The following POM121L2 variants were observed in gnomAD, a reference collection of about 807,000 sequenced individuals.
POM121L2 encodes the protein POM121-like protein 2.
For missense variants in POM121L2, 1,167 were observed against 1,260.3 expected (o/e 0.93, Z 1.12); for synonymous variants, 459 against 483.8 (o/e 0.95, Z 0.67).
chr6:27,311,743 C>A lies in POM121L2; in HGVS notation c.428G>T (p.Gly143Val). The A allele has an allele frequency of 6.4e-7, 1 of 1,551,816 alleles. No individual in the cohort carries two copies. The highest frequency in any genetic ancestry group is 1.2e-5 in the South Asian group (1 of 84,066). The stretch of plus-strand genomic sequence containing the variant: ...TGCGAGCTCCTCAGAGGGCGGGAGT[C>A]CTGCAAGGGCAATTACATCTTCAGG... ...TSPEDVIALA[G>V]LPPSEELADP... is the part of the protein sequence containing the mutation. Residue 143 changes from glycine (G) to valine (V), a missense_variant, in exon 1 of 1, where the codon GGA (glycine) becomes GTA (valine). Gly to Val is a moderately radical substitution (Grantham distance 109). Transcript: ENST00000444565.
chr6:27,309,467 C>A (rs1244003911), intron 1 of POM121L2: 4 of 1,551,650 alleles, frequency 2.6e-6, no homozygotes, highest in Non-Finnish European at 3.5e-6. Context: ...ATCCCAGACT[C>A]ATCACAGTCC....
In POM121L2 at chr6:27,311,647, T is replaced by A. The variant is rs1476464545; in HGVS notation, c.524A>T (p.Glu175Val). 1 of 1,551,842 alleles carries A rather than the reference T, an allele frequency of 6.4e-7. No homozygotes were observed. Among genetic ancestry groups the A allele is most frequent in the Non-Finnish European group, 8.7e-7 (1 of 1,147,028 alleles). The change falls in exon 1 of 1, where the codon GAA (glutamate) becomes GTA (valine). Residue 175 changes from glutamate to valine, a missense_variant. Coordinates refer to ENST00000444565, the MANE Select transcript of POM121L2 (RefSeq NM_033482.4). Reference sequence around the variant, plus strand: ...GTCCAGACTCTCAGGGAATAGTGGTTCTTCCAACCTCCCTTTCCCTTTTCT... The same window carrying A: ...GTCCAGACTCTCAGGGAATAGTGGTACTTCCAACCTCCCTTTCCCTTTTCT... The part of the protein sequence containing the change: ...ECRKGKGRLE[E>V]PLFPESLDSK...
chr6:27,311,664 C>G lies in POM121L2; in HGVS notation c.507G>C (p.Gly169=). Residue 169 remains glycine (G), a synonymous_variant, in exon 1 of 1, where the codon GGG becomes GGC. Coordinates refer to ENST00000444565, the MANE Select transcript of POM121L2 (RefSeq NM_033482.4). ...VLRALRECRK[G]KGRLEEPLFP... is the part of the protein sequence containing the mutation. The stretch of plus-strand genomic sequence containing the variant: ...ATAGTGGTTCTTCCAACCTCCCTTT[C>G]CCTTTTCTGCACTCTCTGAGGGCCC... 3 of 1,551,890 alleles carry G rather than the reference C, an allele frequency of 1.9e-6. No homozygotes were observed. Among genetic ancestry groups the G allele is most frequent in the Non-Finnish European group, 2.6e-6 (3 of 1,147,030 alleles).
In POM121L2 at chr6:27,311,880, C is replaced by G. The variant is rs1040855217; in HGVS notation, c.291G>C (p.Trp97Cys). 1.3e-6 allele frequency: 2 copies of G among 1,551,726 alleles called. No homozygotes were observed. The highest frequency in any genetic ancestry group is 1.7e-6 in the Non-Finnish European group (2 of 1,147,004). The change falls in exon 1 of 1, where the codon TGG becomes TGC. Residue 97 changes from tryptophan to cysteine, a missense_variant. Physicochemically the swap from Trp to Cys is radical, Grantham distance 215. Coordinates refer to ENST00000444565, the MANE Select transcript of POM121L2 (RefSeq NM_033482.4). ...SPLGPLPSDW[W>C]ESYLKRTIWS... Reference sequence around the variant, plus strand: ...AAATAGTCCGCTTTAAGTAACTTTCCCACCAGTCTGAAGGGAGAGGCCCCA... The same window carrying G: ...AAATAGTCCGCTTTAAGTAACTTTCGCACCAGTCTGAAGGGAGAGGCCCCA...
chr6:27,311,426 G>C lies in POM121L2; in HGVS notation c.745C>G (p.Leu249Val). Residue 249 changes from leucine (L) to valine (V), a missense_variant, in exon 1 of 1, where the codon CTC becomes GTC. Transcript: ENST00000444565. ...SLASIYRGGT[L>V]SSKRNAIGSS... ...CCAATAGCATTCCTTTTGGAGCTGAGGGTGCCACCTCTGTATATGCTGGCC... is the reference window on the plus strand; with the variant it reads ...CCAATAGCATTCCTTTTGGAGCTGACGGTGCCACCTCTGTATATGCTGGCC... 1 of 1,551,792 alleles carries C rather than the reference G, an allele frequency of 6.4e-7. No homozygotes were observed. The highest frequency in any genetic ancestry group is 8.7e-7 in the Non-Finnish European group (1 of 1,147,018).
Position 27,312,081 on chromosome 6 carries a change from C to T in POM121L2, c.90G>A (p.Arg30=). The T allele has an allele frequency of 6.7e-7, 1 of 1,489,446 alleles. No homozygotes were observed. The highest frequency in any genetic ancestry group is 1.4e-5 in the South Asian group (1 of 73,128). 92.3% of individuals were successfully genotyped at this position (1,489,446 alleles called of 1,614,324 possible). A position where few individuals can be genotyped will look rare whatever the true frequency, so the allele number is the denominator to read the frequency against. ...GAACTTGGTGAAGGGGCTGAGGTGG[C>T]CGGCGTTTCGTGGGCCTCTCGGGCA... ...TDLPERPTKR[R]PPQPLHQVHR... is the part of the protein sequence containing the mutation. Residue 30 remains arginine, a synonymous_variant, in exon 1 of 1, where the codon CGG becomes CGA. Transcript: ENST00000444565. This position sits in a 1 kb window ranked among gnomAD's most constrained non-coding sequence, Gnocchi z 6.7.
rs1185328894 is a variant in POM121L2 at position 27,311,282 on chromosome 6, A to G, written c.889T>C (p.Ser297Pro). The change falls in exon 1 of 1, where the codon TCT becomes CCT. Residue 297 changes from serine (S) to proline (P), a missense_variant. Ser to Pro is a moderately conservative substitution (Grantham distance 74). Transcript: ENST00000444565. Reference protein sequence around the residue: ...KKEKSCHRPSSPVPLVSDFES... With the variant: ...KKEKSCHRPSPPVPLVSDFES... ...AAATCTGATACCAGTGGGACTGGAG[A>G]GGAAGGCCGATGACAACTTTTTTCC... 6.4e-6 allele frequency: 10 copies of G among 1,551,762 alleles called. No individual in the cohort carries two copies. Among genetic ancestry groups the G allele is most frequent in the Non-Finnish European group, 8.7e-6 (10 of 1,147,030 alleles).
At chr6:27,311,785 ACT>A (rs1303779608), upstream of POM121L2, 3 of 1,551,706 alleles carry the variant, frequency 1.9e-6, no homozygotes, top group South Asian at 3.6e-5. Context: ...GGAAGGGGGC[ACT>A]CTCTGGTCAG....
rs1471595374 is a variant in POM121L2, at chr6:27,310,427, C to T, written c.1744G>A (p.Gly582Ser). 1.3e-6 allele frequency: 2 copies of T among 1,552,124 alleles called. No individual in the cohort carries two copies. The highest frequency in any genetic ancestry group is 1.7e-6 in the Non-Finnish European group (2 of 1,147,092). ...GTAGTTTTAAGTGGATCTATGCTGC[C>T]AAAGATAGGCTTGAAGGTAGGAGTT... ...TLTPTFKPIF[G>S]SIDPLKTTPM... The change falls in exon 1 of 1, where the codon GGC becomes AGC. Residue 582 changes from glycine to serine, a missense_variant. Gly to Ser is a moderately conservative substitution (Grantham distance 56). Coordinates refer to ENST00000444565, the MANE Select transcript of POM121L2 (RefSeq NM_033482.4).
Position 27,310,135 on chromosome 6 carries a change from G to A in POM121L2, c.2036C>T (p.Pro679Leu). ...TGGTGGGAAAATGAATCCTGTGGCT[G>A]GGGTGAAGTCGGCCCTGAAGGCCTG... ...TAQAFRADFT[P>L]ATGFIFPPHH... Residue 679 changes from proline to leucine, a missense_variant, in exon 1 of 1, where the codon CCA (proline) becomes CTA (leucine). Coordinates refer to ENST00000444565, the MANE Select transcript of POM121L2 (RefSeq NM_033482.4). 1 of 1,551,958 alleles carries A rather than the reference G, an allele frequency of 6.4e-7. No individual in the cohort carries two copies.
chr6:27,311,930 T>A lies in POM121L2; in HGVS notation c.241A>T (p.Met81Leu), dbSNP rs2113598927. The A allele has an allele frequency of 6.4e-7, 1 of 1,551,652 alleles. No homozygotes were observed. Among genetic ancestry groups the A allele is most frequent in the East Asian group, 2.4e-5 (1 of 40,902 alleles). Residue 81 changes from methionine (M) to leucine (L), a missense_variant, in exon 1 of 1, where the codon ATG (methionine) becomes TTG (leucine). By Grantham distance (15) the Met-to-Leu change is conservative. Transcript: ENST00000444565. ...AGGGGGGAATTCTGGGACTTCTTCATGGGAAAGCGCCTCCAGGCCTCGTTG... is the reference window on the plus strand; with the variant it reads ...AGGGGGGAATTCTGGGACTTCTTCAAGGGAAAGCGCCTCCAGGCCTCGTTG... ...LANEAWRRFP[M>L]KKSQNSPLGP...
At position 27,309,039 on chromosome 6, in the gene POM121L2, G is replaced by T; in HGVS notation, c.*24C>A. 6.6e-7 allele frequency: 1 copy of T among 1,504,772 alleles called. No homozygotes were observed. 93.2% of individuals were successfully genotyped at this position (1,504,772 alleles called of 1,614,324 possible). A position where few individuals can be genotyped will look rare whatever the true frequency, so the allele number is the denominator to read the frequency against. ...AAAACAATACTGAGGTCTAAATCAG[G>T]GTGCAAGTGACAGGGAACACAGGCT... On this transcript the variant is annotated 3_prime_UTR_variant, in exon 1 of 1. Transcript: ENST00000444565.
Position 27,310,156 on chromosome 6 carries a change from G to A in POM121L2, c.2015C>T (p.Ala672Val), listed in dbSNP as rs1027810507. ...GGCTGGGGTGAAGTCGGCCCTGAAG[G>A]CCTGAGCAGTCCCAAGCAGGAAAGT... is the stretch of plus-strand genomic sequence containing the variant. ...CDTFLLGTAQ[A>V]FRADFTPATG... is the part of the protein sequence containing the mutation. Residue 672 changes from alanine (A) to valine (V), a missense_variant, in exon 1 of 1, where the codon GCC becomes GTC. By Grantham distance (64) the Ala-to-Val change is moderately conservative. Coordinates refer to ENST00000444565, the MANE Select transcript of POM121L2 (RefSeq NM_033482.4). The A allele has an allele frequency of 2.6e-6, 4 of 1,551,846 alleles. No homozygotes were observed. The highest frequency in any genetic ancestry group is 2.7e-5 in the African/African-American group (2 of 73,070).
At position 27,311,133 on chromosome 6, in the gene POM121L2, A is replaced by G; in HGVS notation, c.1038T>C (p.Asp346=). The G allele has an allele frequency of 6.4e-7, 1 of 1,551,864 alleles. No individual in the cohort carries two copies. The highest frequency in any genetic ancestry group is 8.7e-7 in the Non-Finnish European group (1 of 1,147,050). The stretch of plus-strand genomic sequence containing the variant: ...CTTTCTTCCCCAAAGTCAAGTTCTC[A>G]TCAGAGACTGCATAACCAAGCTGGG... The part of the protein sequence containing the change: ...PPPQLGYAVS[D]ENLTLGKKAE... Residue 346 remains aspartate, a synonymous_variant, in exon 1 of 1, where the codon GAT becomes GAC. Coordinates refer to ENST00000444565, the MANE Select transcript of POM121L2 (RefSeq NM_033482.4).
rs569371020 is a variant in POM121L2 at position 27,310,568 on chromosome 6, T to G, written c.1603A>C (p.Lys535Gln). The change falls in exon 1 of 1, where the codon AAA becomes CAA. Residue 535 changes from lysine to glutamine, a missense_variant. Coordinates refer to ENST00000444565, the MANE Select transcript of POM121L2 (RefSeq NM_033482.4). ...PDATSAHLML[K>Q]PILGPLHNSE... is the part of the protein sequence containing the mutation. The stretch of plus-strand genomic sequence containing the variant: ...TTGTGCAGGGGCCCCAAAATCGGTT[T>G]TAACATGAGGTGAGCAGAAGTTGCA... 6.4e-7 allele frequency: 1 copy of G among 1,551,990 alleles called. No individual in the cohort carries two copies. Among genetic ancestry groups the G allele is most frequent in the East Asian group, 2.4e-5 (1 of 40,914 alleles).
rs754589402 is a variant in POM121L2, at chr6:27,310,368, G to C, written c.1803C>G (p.Thr601=). 3.9e-6 allele frequency: 6 copies of C among 1,552,012 alleles called. No individual in the cohort carries two copies. In the African/African-American group the frequency reaches 8.2e-5, roughly 21 times the overall value. Residue 601 remains threonine (T), a synonymous_variant, in exon 1 of 1, where the codon ACC becomes ACG. Transcript: ENST00000444565. ...PMIAPFSSKQ[T]PPPFTHASTH... ...TAGAAGCATGAGTAAATGGAGGAGG[G>C]GTCTGCTTGGAGGAGAAAGGAGCTA...
At position 27,310,715 on chromosome 6, in the gene POM121L2, T is replaced by C. The variant is rs1760733563; in HGVS notation, c.1456A>G (p.Thr486Ala). 1.4e-5 allele frequency: 21 copies of C among 1,551,694 alleles called. No homozygotes were observed. The highest frequency in any genetic ancestry group is 1.8e-5 in the Non-Finnish European group (21 of 1,146,984). The change falls in exon 1 of 1, where the codon ACC becomes GCC. Residue 486 changes from threonine (T) to alanine (A), a missense_variant. Thr to Ala is a moderately conservative substitution (Grantham distance 58). Coordinates refer to ENST00000444565, the MANE Select transcript of POM121L2 (RefSeq NM_033482.4). ...ATGGGAGACCTGTCAGCCTGAGAGG[T>C]TGAAGGCGGCCAGGTGGTGTCAGTA... is the stretch of plus-strand genomic sequence containing the variant. The part of the protein sequence containing the change: ...PVTDTTWPPS[T>A]SQADRSPMPP...
At position 27,309,596 on chromosome 6, in the gene POM121L2, G is replaced by T; in HGVS notation, c.2575C>A (p.Gln859Lys). The change falls in exon 1 of 1, where the codon CAA becomes AAA. Residue 859 changes from glutamine to lysine, a missense_variant. Transcript: ENST00000444565. ...GGIPAGFPIS[Q>K]ASTTGFRIVI... ...ATTCTAAACCCAGTTGTACTAGCTT[G>T]ACTAATGGGAAAACCTGCTGGAATG... 1 of 1,551,756 alleles carries T rather than the reference G, an allele frequency of 6.4e-7. No individual in the cohort carries two copies. The highest frequency in any genetic ancestry group is 1.2e-5 in the South Asian group (1 of 84,060).
rs554963369 is a variant in POM121L2 at position 27,310,666 on chromosome 6, G to A, written c.1505C>T (p.Pro502Leu). 2 of 1,551,906 alleles carry A rather than the reference G, an allele frequency of 1.3e-6. No individual in the cohort carries two copies. Among genetic ancestry groups the A allele is most frequent in the South Asian group, 2.4e-5 (2 of 84,062 alleles). The change falls in exon 1 of 1, where the codon CCC becomes CTC. Residue 502 changes from proline (P) to leucine (L), a missense_variant. By Grantham distance (98) the Pro-to-Leu change is moderately conservative. Coordinates refer to ENST00000444565, the MANE Select transcript of POM121L2 (RefSeq NM_033482.4). ...SPMPPDPPAP[P>L]TIQSTLLGMV... is the part of the protein sequence containing the mutation. The stretch of plus-strand genomic sequence containing the variant: ...TCCAAGCAAAGTACTTTGGATGGTG[G>A]GTGGTGCAGGTGGGTCTGGGGGCAT...
Sources: allele counts gnomAD v4.1 joint callset, GRCh38; gene constraint gnomAD v4.1.1; non-coding constraint Gnocchi (gnomAD v3.1); transcripts MANE v1.5; gene names NCBI Gene and HGNC (gene_info 2026-07-23, HGNC 2026-07-21).